Variants in PRKCZ observed in about 807,000 individuals in gnomAD.
PRKCZ encodes the protein protein kinase C zeta, also known as protein kinase C zeta type.
In PRKCZ, 33 loss-of-function variants were observed where a neutral mutation model predicts 79.5. That is an observed-to-expected ratio of 0.41 (90% CI 0.31 to 0.55). PRKCZ has a LOEUF of 0.55. Ranked by LOEUF, PRKCZ falls within the 20% of genes least tolerant of loss-of-function variation. PRKCZ has a pLI of 0.19. For missense variants in PRKCZ, 578 were observed against 813.5 expected, an observed-to-expected ratio of 0.71 and a Z score of 3.52; for synonymous variants, 342 against 320.9, an observed-to-expected ratio of 1.07 and a Z score of -0.70.
chr1:2,055,185 A>G (rs1029717879), intron 1 of PRKCZ, among the ~76,000 whole-genome samples: 36 of 148,806 alleles, frequency 2.4e-4, no homozygotes, highest in African/African-American at 9.1e-4. Flanking sequence ...CTCGTGATCC[A>G]CCCGCCTCGG....
chr1:2,116,090 C>G (rs1670694036), intron 4 of PRKCZ: 1 of 152,246 alleles, frequency 6.6e-6, no homozygotes, highest in African/African-American at 2.4e-5. Flanking sequence ...CATTAGCATG[C>G]AAAAAGACAC....
intron 4 of PRKCZ, among the ~76,000 whole-genome samples, chr1:2,119,658 C>G (rs1237839390): frequency 6.6e-6 from 1 of 152,234 alleles, no homozygotes; most frequent in African/African-American, 2.4e-5. Context: ...AGATTTACCC[C>G]CAGGTTACCC....
intron 16 of PRKCZ, among the ~76,000 whole-genome samples, chr1:2,176,020 G>A (rs1420526416): frequency 6.6e-6 from 1 of 152,210 alleles, no homozygotes; most frequent in Non-Finnish European, 1.5e-5. Context: ...AGCGTTCACG[G>A]CTTGAGCTTT....
At chr1:2,184,883 C>T in intron 17 of PRKCZ, 39 bp from the exon 18 acceptor site, 3 of 1,557,036 alleles carry the variant, frequency 1.9e-6, no homozygotes. Context: ...GGAATGAACA[C>T]ACGGTCACCC....
intron 7 of PRKCZ, among the ~76,000 whole-genome samples, chr1:2,148,530 CCCATCTAGTCATCCT>C (rs1679190608): frequency 6.6e-6 from 1 of 152,196 alleles, no homozygotes; most frequent in African/African-American, 2.4e-5. Context: ...CCATTCATCC[CCCATCTAGTCATCCT>C]CCATCCATCC....
At chr1:2,120,550 C>A (rs989173989) in intron 4 of PRKCZ, among the ~76,000 whole-genome samples, 1 of 151,840 alleles carries the variant, frequency 6.6e-6, no homozygotes, top group African/African-American at 2.4e-5. Flanking sequence ...TCCACCTTGG[C>A]CTCCCAAAGT....
At chr1:2,110,191 C>T (rs1470241946) in intron 4 of PRKCZ, among the ~76,000 whole-genome samples, 1 of 102,188 alleles carries the variant, frequency 9.8e-6, no homozygotes, top group Admixed American at 9.6e-5. Context: ...AGGTGAGACA[C>T]AGAACGGCCA....
chr1:2,134,514 A>C (rs1316263308), intron 4 of PRKCZ, among the ~76,000 whole-genome samples: 1 of 152,212 alleles, frequency 6.6e-6, no homozygotes. Flanking sequence ...GAAGGACAAG[A>C]CCAGCCGTCT....
rs899816719 is a variant in PRKCZ, at chr1:2,150,967, C to T, written c.865C>T (p.His289Tyr). 1 of 1,613,678 alleles carries T rather than the reference C, an allele frequency of 6.2e-7. No homozygotes were observed. The highest frequency in any genetic ancestry group is 2.2e-5 in the East Asian group (1 of 44,884). Reference sequence around the variant, plus strand: ...GAAAGTGGTGAAGAAAGAGCTGGTGCATGATGACGAGGTAGGTGCCGCTTC... The same window carrying T: ...GAAAGTGGTGAAGAAAGAGCTGGTGTATGATGACGAGGTAGGTGCCGCTTC... ...AMKVVKKELV[H>Y]DDEDIDWVQT... is the part of the protein sequence containing the mutation. Residue 289 changes from histidine to tyrosine, a missense_variant, in exon 9 of 18, where the codon CAT becomes TAT. By Grantham distance (83) the His-to-Tyr change is moderately conservative. Transcript: ENST00000378567.
At chr1:2,107,697 C>G (rs908021824) in intron 4 of PRKCZ, among the ~76,000 whole-genome samples, 4 of 151,948 alleles carry the variant, frequency 2.6e-5, no homozygotes, top group African/African-American at 9.7e-5. Context: ...TGCCGAAATC[C>G]CCTCTACCCG....
rs1216674952 is a variant in PRKCZ at position 2,075,885 on chromosome 1, C to T, written c.334+16294C>T. The stretch of plus-strand genomic sequence containing the variant: ...TGACCTGCTCTCGTGTGTGTAGCAG[C>T]GGGGGCTGCGTCTCATCTGCCACAC... On this transcript the variant is annotated intron_variant, in intron 4 of 17. Transcript: ENST00000378567. The surrounding 1 kb of genome is among the most constrained non-coding windows in gnomAD (Gnocchi z 4.8). 1.3e-5 allele frequency among the ~76,000 whole-genome samples: 2 copies of T among 152,166 alleles called. No homozygotes were observed. Among genetic ancestry groups the T allele is most frequent in the Non-Finnish European group, 2.9e-5 (2 of 68,030 alleles).
At chr1:2,115,217 C>T (rs1365922640) in intron 4 of PRKCZ, among the ~76,000 whole-genome samples, 8 of 152,394 alleles carry the variant, frequency 5.2e-5, no homozygotes, top group East Asian at 3.9e-4. Flanking sequence ...GCGGTTCTGC[C>T]GTGTCCGTCC....
At chr1:2,142,547 G>A (rs912191637) in intron 5 of PRKCZ, 6 of 274,818 alleles carry the variant, frequency 2.2e-5, no homozygotes, top group Admixed American at 1.0e-4. Context: ...AGATTGGCCC[G>A]GAATCAGAGG....
intron 16 of PRKCZ, 39 bp downstream of exon 16, chr1:2,175,352 TCCCAAC>T (rs1323427882): frequency 1.3e-6 from 2 of 1,502,294 alleles, no homozygotes; most frequent in Non-Finnish European, 1.8e-6. Flanking sequence ...CCCATCCCCA[TCCCAAC>T]CCCAAATCTA....
Position 2,178,406 on chromosome 1 carries a change from G to GT in PRKCZ, c.1575+3094dup, listed in dbSNP as rs1241285876. On this transcript the variant is annotated intron_variant, in intron 16 of 17. Transcript: ENST00000378567. This position sits in a 1 kb window ranked among gnomAD's most constrained non-coding sequence, Gnocchi z 4.3. The stretch of plus-strand genomic sequence containing the variant: ...GAACCCCACCCACTGCGTCCACTGC[G>GT]TGGAGACTGCACCTCTGCATCCGTC... Among the ~76,000 whole-genome samples, 47 of 152,340 alleles carry GT rather than the reference G, an allele frequency of 3.1e-4. No individual in the cohort carries two copies. Among genetic ancestry groups the GT allele is most frequent in the Admixed American group, 4.6e-4 (7 of 15,302 alleles).
At chr1:2,146,820 A>G (rs1030630439) in intron 7 of PRKCZ, among the ~76,000 whole-genome samples, 2 of 152,158 alleles carry the variant, frequency 1.3e-5, no homozygotes, top group African/African-American at 2.4e-5. Flanking sequence ...ATGCCTCACA[A>G]ACAACTGCCT....
At chr1:2,055,321 A>G (rs1487593786) in intron 1 of PRKCZ, 120 bp from the exon 2 acceptor site, 2 of 1,267,560 alleles carry the variant, frequency 1.6e-6, no homozygotes, top group African/African-American at 3.0e-5. Flanking sequence ...TGGGGCTGTC[A>G]TATTGTCTTT....
chr1:2,160,238 CGTGTGTGTGTGTGT>C (rs56068331), intron 10 of PRKCZ, among the ~76,000 whole-genome samples: 1 of 146,374 alleles, frequency 6.8e-6, no homozygotes, highest in African/African-American at 2.6e-5. Context: ...CAGCAGTGTG[CGTGTGTGTGTGTGT>C]GTGTGTGTGT....
chr1:2,107,229 C>T (rs1337025820), intron 4 of PRKCZ, among the ~76,000 whole-genome samples: 2 of 152,360 alleles, frequency 1.3e-5, no homozygotes, highest in Non-Finnish European at 1.5e-5. Context: ...AGCCGGCTGC[C>T]TTCCGTGGCT....
Sources: allele counts gnomAD v4.1 joint callset (sites outside exome capture counted in the v4.1 genomes callset), GRCh38; gene constraint gnomAD v4.1.1; non-coding constraint Gnocchi (gnomAD v3.1); transcripts MANE v1.5; gene names NCBI Gene and HGNC (gene_info 2026-07-23, HGNC 2026-07-21).